The following TSGA13 variants were observed in gnomAD, a reference collection of about 807,000 sequenced individuals.
TSGA13 encodes the protein testis specific 13.
Under a neutral mutation model 35.1 loss-of-function variants are expected in TSGA13, and 37 were observed. The observed-to-expected ratio is 1.05, with a 90% CI of 0.81 to 1.39. The LOEUF is 1.39. Ranked by LOEUF, TSGA13 falls within the 40% of genes most tolerant of loss-of-function variation. The probability of loss-of-function intolerance (pLI) is 0.00; values close to 1 mark genes in which losing one functional copy is unlikely to be tolerated. For missense variants in TSGA13, 338 were observed against 328.5 expected, an observed-to-expected ratio of 1.03 and a Z score of -0.22; for synonymous variants, 124 against 121.2, an observed-to-expected ratio of 1.02 and a Z score of -0.15.
At position 130,673,649 on chromosome 7, in the gene TSGA13, C is replaced by G. The variant is rs139969101; in HGVS notation, c.388-773G>C. On this transcript the variant is annotated intron_variant, in intron 5 of 7. Coordinates refer to ENST00000356588, the MANE Select transcript of TSGA13 (RefSeq NM_052933.4). ...ATTGCCAATGTGTTGAACTTTTTTT[C>G]ATATGACATGGCATTGGGTTCCTTT... Among the ~76,000 whole-genome samples the G allele has an allele frequency of 4.1e-4, 62 of 152,246 alleles. No homozygotes were observed. The East Asian group carries it at 9.5e-3, about 23-fold the overall frequency.
chr7:130,668,896 G>A lies in TSGA13; in HGVS notation c.*118C>T. ...CCGGAGACTTCGGCTCGACCCTCCC[G>A]GCTTGCGACCCGGGAGCCCACGCCC... On this transcript the variant is annotated 3_prime_UTR_variant, in exon 8 of 8. Transcript: ENST00000356588. The A allele has an allele frequency of 1.4e-6, 2 of 1,456,850 alleles. No homozygotes were observed. The highest frequency in any genetic ancestry group is 1.4e-5 in the South Asian group (1 of 72,854). The allele number at this position is 1,456,850 out of a possible 1,614,324, so 90.2% of individuals were successfully genotyped here. A position where few individuals can be genotyped will look rare whatever the true frequency, so the allele number is the denominator to read the frequency against.
rs538106908 is a variant in TSGA13, at chr7:130,680,876, C to T, written c.174+70G>A. Reference sequence around the variant, plus strand: ...GACACTTGGAGGCATTAGGGACACTCGCAGTGGGCATCTGCACCACTGCTG... The same window carrying T: ...GACACTTGGAGGCATTAGGGACACTTGCAGTGGGCATCTGCACCACTGCTG... On this transcript the variant is annotated intron_variant, in intron 4 of 7. Coordinates refer to ENST00000356588, the MANE Select transcript of TSGA13 (RefSeq NM_052933.4). The T allele has an allele frequency of 2.7e-5, 38 of 1,396,674 alleles. No homozygotes were observed. The African/African-American group carries it at 3.3e-4, about 12-fold the overall frequency. The allele number at this position is 1,396,674 out of a possible 1,614,324, so 86.5% of individuals were successfully genotyped here. A position where few individuals can be genotyped will look rare whatever the true frequency, so the allele number is the denominator to read the frequency against.
At position 130,671,601 on chromosome 7, in the gene TSGA13, TTG is replaced by T. The variant is rs1293101827; in HGVS notation, c.658+58_658+59del. 2.0e-6 allele frequency: 3 copies of T among 1,471,876 alleles called. No individual in the cohort carries two copies. The Admixed American group carries it at 5.9e-5, about 29-fold the overall frequency. 91.2% of individuals were successfully genotyped at this position (1,471,876 alleles called of 1,614,324 possible). A position where few individuals can be genotyped will look rare whatever the true frequency, so the allele number is the denominator to read the frequency against. On this transcript the variant is annotated intron_variant, in intron 7 of 7. Transcript: ENST00000356588. ...TTGCCACATCTATAATCCTCATGGA[TTG>T]TATCTCCAGCCCAAATCTCAGTCCA...
intron 2 of TSGA13, among the ~76,000 whole-genome samples, chr7:130,684,830 T>C (rs1796624088): frequency 6.6e-6 from 1 of 152,174 alleles, no homozygotes; most frequent in African/African-American, 2.4e-5. Context: ...ATCTAATAAT[T>C]AGTAATACAG....
chr7:130,685,364 T>C lies in TSGA13; in HGVS notation c.-150-4A>G. The C allele has an allele frequency of 6.9e-7, 1 of 1,438,852 alleles. No homozygotes were observed. Among genetic ancestry groups the C allele is most frequent in the Non-Finnish European group, 9.3e-7 (1 of 1,080,168 alleles). 89.1% of individuals were successfully genotyped at this position (1,438,852 alleles called of 1,614,324 possible). A position where few individuals can be genotyped will look rare whatever the true frequency, so the allele number is the denominator to read the frequency against. ...TACTCATGCCCCATTCTTGAGCCTG[T>C]ATGGGAAACAAGAAAAGACTGATAG... On this transcript the variant is annotated splice_region_variant and splice_polypyrimidine_tract_variant and intron_variant, in intron 1 of 7. Transcript: ENST00000356588.
intron 6 of TSGA13, 79 bp downstream of exon 6, chr7:130,672,655 A>G (rs1409650523): frequency 1.9e-6 from 3 of 1,550,474 alleles, no homozygotes; most frequent in Non-Finnish European, 1.7e-6. Flanking sequence ...ATGTCATTAA[A>G]TTGTATGGCA....
intron 2 of TSGA13, among the ~76,000 whole-genome samples, chr7:130,683,919 A>T (rs1796602800): frequency 6.6e-6 from 1 of 152,236 alleles, no homozygotes. Flanking sequence ...AGTGACATCC[A>T]TTGAGTTGGT....
intron 5 of TSGA13, among the ~76,000 whole-genome samples, chr7:130,674,490 A>G (rs1310784690): frequency 2.6e-5 from 4 of 152,148 alleles, no homozygotes; most frequent in Admixed American, 6.5e-5. Context: ...TAACTACACT[A>G]TCTAACATTG....
intron 5 of TSGA13, among the ~76,000 whole-genome samples, chr7:130,676,632 G>T (rs1179385209): frequency 1.3e-5 from 2 of 152,154 alleles, no homozygotes; most frequent in African/African-American, 4.8e-5. Flanking sequence ...TAACTCCTTT[G>T]TTAGTACATG....
intron 5 of TSGA13, among the ~76,000 whole-genome samples, chr7:130,677,004 T>G (rs1796427554): frequency 6.6e-6 from 1 of 152,010 alleles, no homozygotes; most frequent in Non-Finnish European, 1.5e-5. Flanking sequence ...TCCATTTTCC[T>G]GCCTCAGCCT....
intron 5 of TSGA13, 98 bp from the exon 6 acceptor site, chr7:130,672,974 C>T: frequency 7.5e-7 from 1 of 1,338,614 alleles, no homozygotes. Context: ...AATTCCCCTA[C>T]AATCATGCAA....
At chr7:130,687,428 C>T (rs1351573547), upstream of TSGA13, 1 of 152,166 alleles carries the variant, frequency 6.6e-6, no homozygotes, top group East Asian at 1.9e-4. Context: ...GTATCTTATG[C>T]ATTCAAAACT....
At chr7:130,674,460 C>T (rs1796365055) in intron 5 of TSGA13, among the ~76,000 whole-genome samples, 1 of 152,114 alleles carries the variant, frequency 6.6e-6, no homozygotes, top group Non-Finnish European at 1.5e-5. Context: ...CATGAGCCAC[C>T]GTGCCCAGCA....
intron 6 of TSGA13, among the ~76,000 whole-genome samples, chr7:130,672,363 T>C (rs1226086710): frequency 6.6e-6 from 1 of 152,224 alleles, no homozygotes; most frequent in Non-Finnish European, 1.5e-5. Context: ...AAACTACACA[T>C]AGGCTGCTCT....
At chr7:130,671,546 G>T in intron 7 of TSGA13, 115 bp downstream of exon 7, 1 of 1,199,562 alleles carries the variant, frequency 8.3e-7, no homozygotes. Flanking sequence ...GGGAAAAATA[G>T]TCTCCAGGAC....
chr7:130,680,972 G>T lies in TSGA13; in HGVS notation c.148C>A (p.Arg50=). 6.2e-7 allele frequency: 1 copy of T among 1,614,102 alleles called. No individual in the cohort carries two copies. ...AAATTTGGATGGACTGTGTAATGCCGAAGGTTCTCTAGAACAAATTTTGAT... is the reference window on the plus strand; with the variant it reads ...AAATTTGGATGGACTGTGTAATGCCTAAGGTTCTCTAGAACAAATTTTGAT... The part of the protein sequence containing the change: ...GQSKFVLENL[R]HYTVHPNLAQ... The change falls in exon 4 of 8, where the codon CGG becomes AGG. Residue 50 remains arginine (R), a synonymous_variant. Transcript: ENST00000356588.
At chr7:130,682,998 T>A (rs1189178387) in intron 3 of TSGA13, among the ~76,000 whole-genome samples, 1 of 152,234 alleles carries the variant, frequency 6.6e-6, no homozygotes, top group Non-Finnish European at 1.5e-5. Context: ...AGGAAAAACT[T>A]ATTTGGGAGA....
In TSGA13 at chr7:130,668,821, G is replaced by T. The variant is rs578253302; in HGVS notation, c.*193C>A. On this transcript the variant is annotated 3_prime_UTR_variant, in exon 8 of 8. Coordinates refer to ENST00000356588, the MANE Select transcript of TSGA13 (RefSeq NM_052933.4). ...GGGCCAAGGCCCGCCCTCCCCGGCC[G>T]CCCTCGGCCCCCGGGACGCAGCCAC... The T allele has an allele frequency of 3.1e-6, 4 of 1,271,096 alleles. No homozygotes were observed. The East Asian group carries it at 8.3e-5, about 26-fold the overall frequency. The allele number at this position is 1,271,096 out of a possible 1,614,324, so 78.7% of individuals were successfully genotyped here. A position where few individuals can be genotyped will look rare whatever the true frequency, so the allele number is the denominator to read the frequency against.
intron 5 of TSGA13, among the ~76,000 whole-genome samples, chr7:130,677,499 A>G (rs1796441989): frequency 6.6e-6 from 1 of 151,250 alleles, no homozygotes; most frequent in South Asian, 2.1e-4. Flanking sequence ...ATCTTGGCTC[A>G]CTGCAACCTC....
Sources: allele counts gnomAD v4.1 joint callset (sites outside exome capture counted in the v4.1 genomes callset), GRCh38; gene constraint gnomAD v4.1.1; transcripts MANE v1.5; gene names NCBI Gene and HGNC (gene_info 2026-07-23, HGNC 2026-07-21).